The following MYOF variants were observed in gnomAD, a reference collection of about 807,000 sequenced individuals.
The protein encoded by MYOF is fer-1-like 3, myoferlin.
Under a neutral mutation model 284.2 loss-of-function variants are expected in MYOF, and 244 were observed. The ratio of observed to expected loss-of-function variants is 0.86; its 90% confidence interval spans 0.77 to 0.95. The LOEUF is 0.95. Among genes scored for constraint, MYOF ranks in the 40% least tolerant of loss-of-function variants. The pLI is 0.00. For missense variants in MYOF, 2,496 were observed against 2,560.6 expected (o/e 0.97, Z 0.54); for synonymous variants, 904 against 919.7 (o/e 0.98, Z 0.31).
At chr10:93,405,774 AAAGAT>A (rs779708279) in intron 7 of MYOF, among the ~76,000 whole-genome samples, 2 of 151,368 alleles carry the variant, frequency 1.3e-5, no homozygotes, top group Non-Finnish European at 2.9e-5. Flanking sequence ...ACTTGGTTAA[AAAGAT>A]ATATACAGGC....
chr10:93,373,657 A>G (rs907883816), intron 23 of MYOF, among the ~76,000 whole-genome samples: 5 of 152,196 alleles, frequency 3.3e-5, no homozygotes, highest in Non-Finnish European at 5.9e-5. Context: ...ACAAAGTAGA[A>G]AATGAAATTA....
Position 93,333,330 on chromosome 10 carries a change from C to A in MYOF, c.4720-18G>T, listed in dbSNP as rs374289838. On this transcript the variant is annotated intron_variant, in intron 42 of 53. Coordinates refer to ENST00000359263, the MANE Select transcript of MYOF (RefSeq NM_013451.4). Reference sequence around the variant, plus strand: ...GGGTCACACTGTGGGACAAAATAGACGGGATGTTACATCATTGTAGGGCGC... The same window carrying A: ...GGGTCACACTGTGGGACAAAATAGAAGGGATGTTACATCATTGTAGGGCGC... 2 of 1,601,192 alleles carry A rather than the reference C, an allele frequency of 1.2e-6. No homozygotes were observed. Among genetic ancestry groups the A allele is most frequent in the East Asian group, 2.2e-5 (1 of 44,836 alleles).
At chr10:93,400,329 C>CTTTT (rs1163947322) in intron 12 of MYOF, among the ~76,000 whole-genome samples, 1 of 98,716 alleles carries the variant, frequency 1.0e-5, no homozygotes, top group African/African-American at 3.8e-5. Context: ...TCTTCTTCTT[C>CTTTT]TTTTTTTTTT....
At chr10:93,465,471 A>G (rs1162376700) in intron 1 of MYOF, among the ~76,000 whole-genome samples, 1 of 152,080 alleles carries the variant, frequency 6.6e-6, no homozygotes, top group Non-Finnish European at 1.5e-5. Context: ...AGTAAGCACT[A>G]AACAAATGAG....
chr10:93,447,289 CT>C (rs2056457619), intron 3 of MYOF, among the ~76,000 whole-genome samples: 2 of 152,164 alleles, frequency 1.3e-5, no homozygotes, highest in African/African-American at 4.8e-5. Context: ...AGTTCCTTCA[CT>C]TACAGCCCCT....
chr10:93,318,722 C>T (rs1304467069), intron 49 of MYOF, among the ~76,000 whole-genome samples: 1 of 151,980 alleles, frequency 6.6e-6, no homozygotes, highest in Non-Finnish European at 1.5e-5. Flanking sequence ...TGCACCATTG[C>T]ACTCCAGCCT....
chr10:93,336,139 G>A (rs1564628324), intron 40 of MYOF, 93 bp from the exon 41 acceptor site: 2 of 1,427,708 alleles, frequency 1.4e-6, no homozygotes, highest in African/African-American at 2.9e-5. Flanking sequence ...GCCTGAGGTT[G>A]TGGATGGGGC....
intron 5 of MYOF, among the ~76,000 whole-genome samples, chr10:93,425,139 C>T (rs922030889): frequency 2.0e-5 from 3 of 151,916 alleles, no homozygotes; most frequent in Non-Finnish European, 2.9e-5. Flanking sequence ...CAAGGTTTCA[C>T]CATGTTGGCC....
chr10:93,453,059 G>A (rs1328992517), intron 2 of MYOF, among the ~76,000 whole-genome samples: 1 of 152,078 alleles, frequency 6.6e-6, no homozygotes, highest in Non-Finnish European at 1.5e-5. Context: ...GGAATGGAAG[G>A]AAAACTTGTT....
chr10:93,310,779 A>G, intron 51 of MYOF, 136 bp from the exon 52 acceptor site: 1 of 794,418 alleles, frequency 1.3e-6, no homozygotes, highest in South Asian at 1.9e-5. Flanking sequence ...GTTTTCCTCA[A>G]GAGATTTCAT....
intron 19 of MYOF, among the ~76,000 whole-genome samples, chr10:93,382,098 T>A (rs1846149381): frequency 6.6e-6 from 1 of 152,196 alleles, no homozygotes; most frequent in Non-Finnish European, 1.5e-5. Flanking sequence ...CATAAAGGCA[T>A]ATTCATAAAG....
chr10:93,463,165 G>A (rs906754031), intron 1 of MYOF, among the ~76,000 whole-genome samples: 3 of 152,178 alleles, frequency 2.0e-5, no homozygotes, highest in Admixed American at 1.3e-4. Flanking sequence ...CAAGGTTTCC[G>A]GGAGAACTGA....
At chr10:93,339,770 C>T (rs981124723) in intron 39 of MYOF, among the ~76,000 whole-genome samples, 6 of 151,970 alleles carry the variant, frequency 3.9e-5, no homozygotes, top group Non-Finnish European at 7.4e-5. Flanking sequence ...TGCCCGGCCC[C>T]CCTAGATTTA....
Position 93,409,695 on chromosome 10 carries a change from C to A in MYOF, c.478G>T (p.Ala160Ser). The change falls in exon 6 of 54, where the codon GCA becomes TCA. Residue 160 changes from alanine (A) to serine (S), a missense_variant. Transcript: ENST00000359263. ...CCCTTGGGCCCAGGGCCCCTGACTG[C>A]ATTGTCCAACCTGTCTTCATCACCT... ...DEGDEDRLDN[A>S]VRGPGPKGPV... 1 of 1,614,220 alleles carries A rather than the reference C, an allele frequency of 6.2e-7. No individual in the cohort carries two copies. The highest frequency in any genetic ancestry group is 8.5e-7 in the Non-Finnish European group (1 of 1,180,040).
chr10:93,350,242 C>G (rs1844442389), intron 35 of MYOF, among the ~76,000 whole-genome samples: 1 of 152,112 alleles, frequency 6.6e-6, no homozygotes, highest in African/African-American at 2.4e-5. Context: ...ACTCACCTCC[C>G]TATGTCTCAT....
At chr10:93,311,750 C>T (rs572925205) in intron 51 of MYOF, among the ~76,000 whole-genome samples, 5 of 152,308 alleles carry the variant, frequency 3.3e-5, no homozygotes, top group South Asian at 4.1e-4. Context: ...ATGACCTCTA[C>T]CCTTACAAGT....
chr10:93,432,088 G>A (rs1848899206), intron 3 of MYOF, among the ~76,000 whole-genome samples: 1 of 152,044 alleles, frequency 6.6e-6, no homozygotes, highest in South Asian at 2.1e-4. Context: ...GGGGCAAGAG[G>A]TAAAGACTGA....
chr10:93,398,010 C>T (rs181181843), intron 13 of MYOF, among the ~76,000 whole-genome samples: 1 of 152,320 alleles, frequency 6.6e-6, no homozygotes, highest in Non-Finnish European at 1.5e-5. Flanking sequence ...ACTCCACACC[C>T]TCTCTTGCCT....
rs1446304354 is a variant in MYOF, at chr10:93,455,299, CA to C, written c.144+1582del. 8.3e-5 allele frequency among the ~76,000 whole-genome samples: 6 copies of C among 72,658 alleles called. No homozygotes were observed. In the East Asian group the frequency reaches 2.0e-3, roughly 24 times the overall value. The allele number at this position is 72,658 out of a possible 152,430, so 47.7% of individuals were successfully genotyped here. A position where few individuals can be genotyped will look rare whatever the true frequency, so the allele number is the denominator to read the frequency against. On this transcript the variant is annotated intron_variant, in intron 2 of 53. Transcript: ENST00000359263. ...CATCTCAAAAAAACAAAAACAAAAA[CA>C]AAAAACAAAAAAACAAAAAAAGAAC...
Sources: allele counts gnomAD v4.1 joint callset (sites outside exome capture counted in the v4.1 genomes callset), GRCh38; gene constraint gnomAD v4.1.1; transcripts MANE v1.5; gene names NCBI Gene and HGNC (gene_info 2026-07-23, HGNC 2026-07-21).